Variants in GFOD1 observed in about 807,000 individuals in gnomAD.
The protein encoded by GFOD1 is Gfo/Idh/MocA-like oxidoreductase domain containing 1, also known as glucose-fructose oxidoreductase domain-containing protein 1.
GFOD1 carries 9 observed loss-of-function variants against 25.4 expected under a neutral mutation model. The observed-to-expected ratio is 0.35, with a 90% CI of 0.21 to 0.62. GFOD1 has a LOEUF of 0.62. GFOD1 is among the 20% of genes least tolerant of loss of function. The pLI is 0.72. For missense variants in GFOD1, 403 were observed against 556.9 expected, an observed-to-expected ratio of 0.72 and a Z score of 2.78; for synonymous variants, 253 against 245.6, an observed-to-expected ratio of 1.03 and a Z score of -0.28.
At chr6:13,421,231 T>C (rs1786251893) in intron 1 of GFOD1, among the ~76,000 whole-genome samples, 1 of 152,230 alleles carries the variant, frequency 6.6e-6, no homozygotes, top group Non-Finnish European at 1.5e-5. Flanking sequence ...CTCATGCTTG[T>C]AATCCCAGCA....
intron 1 of GFOD1, among the ~76,000 whole-genome samples, chr6:13,426,300 C>T (rs957942176): frequency 3.3e-5 from 5 of 152,204 alleles, no homozygotes. Context: ...TCCTATAATA[C>T]AGAAGATATG....
rs146451161 is a variant in GFOD1, at chr6:13,422,307, T to G, written c.254-56645A>C. ...CTAAAACACATGCTGTCCGAACGGA[T>G]TCTCAGGAGAGAAAATCTGACTCTG... On this transcript the variant is annotated intron_variant, in intron 1 of 1. Transcript: ENST00000379287. 1.6e-3 allele frequency among the ~76,000 whole-genome samples: 240 copies of G among 152,262 alleles called. 1 individual carries two copies. Among genetic ancestry groups the G allele is most frequent in the African/African-American group, 5.5e-3 (230 of 41,560 alleles).
chr6:13,393,778 TTC>T (rs1428038793), intron 1 of GFOD1, among the ~76,000 whole-genome samples: 3 of 106,866 alleles, frequency 2.8e-5, no homozygotes, highest in Non-Finnish European at 6.2e-5. Flanking sequence ...CTTTTTTCTT[TTC>T]TTTTTTTTTT....
chr6:13,465,146 A>C (rs534702825), intron 1 of GFOD1, among the ~76,000 whole-genome samples: 148 of 152,232 alleles, frequency 9.7e-4, no homozygotes, highest in African/African-American at 3.4e-3. Context: ...AGGGGTGTCC[A>C]ATCTTTTGGC....
chr6:13,373,881 C>T (rs933987373), intron 1 of GFOD1, among the ~76,000 whole-genome samples: 5 of 151,646 alleles, frequency 3.3e-5, no homozygotes, highest in Non-Finnish European at 5.9e-5. Flanking sequence ...CCTCCATATA[C>T]ATTAAAAGAG....
chr6:13,361,071 A>G lies in GFOD1; in HGVS notation c.*3672T>C. 1 of 354,312 alleles carries G rather than the reference A, an allele frequency of 2.8e-6. No homozygotes were observed. Among genetic ancestry groups the G allele is most frequent in the East Asian group, 7.4e-5 (1 of 13,432 alleles). 21.9% of individuals were successfully genotyped at this position (354,312 alleles called of 1,614,324 possible). ...TTGTATGAGATAACATACTTAAAAT[A>G]CTCTGCACACAGTGGACAAGTCTTG... On this transcript the variant is annotated 3_prime_UTR_variant, in exon 2 of 2. Transcript: ENST00000379287.
At chr6:13,387,968 C>T (rs1785510022) in intron 1 of GFOD1, among the ~76,000 whole-genome samples, 1 of 152,150 alleles carries the variant, frequency 6.6e-6, no homozygotes, top group African/African-American at 2.4e-5. Flanking sequence ...TCCTATACAA[C>T]AATAACAGAC....
chr6:13,390,298 T>C (rs1374352194), intron 1 of GFOD1, among the ~76,000 whole-genome samples: 1 of 152,088 alleles, frequency 6.6e-6, no homozygotes, highest in Non-Finnish European at 1.5e-5. Context: ...TTGTTGTTTA[T>C]ATAAAACAGG....
chr6:13,480,724 C>T (rs1401625493), intron 1 of GFOD1, among the ~76,000 whole-genome samples: 1 of 152,110 alleles, frequency 6.6e-6, no homozygotes, highest in Non-Finnish European at 1.5e-5. Context: ...TGGGCTCAAG[C>T]AATCCTCCTG....
chr6:13,395,134 G>C (rs1785702621), intron 1 of GFOD1, among the ~76,000 whole-genome samples: 1 of 152,080 alleles, frequency 6.6e-6, no homozygotes, highest in African/African-American at 2.4e-5. Context: ...TGTTGCCCAG[G>C]CTTCTTTTAA....
At chr6:13,418,084 T>C (rs1314536445) in intron 1 of GFOD1, among the ~76,000 whole-genome samples, 1 of 152,238 alleles carries the variant, frequency 6.6e-6, no homozygotes, top group Non-Finnish European at 1.5e-5. Flanking sequence ...TGTGTTAACT[T>C]GCAGGTAAGA....
chr6:13,486,551 G>T, intron 1 of GFOD1, 87 bp downstream of exon 1: 2 of 1,111,488 alleles, frequency 1.8e-6, no homozygotes, highest in Non-Finnish European at 2.6e-6. Flanking sequence ...CTTCTGGGAT[G>T]CGGAGAGGGA....
intron 1 of GFOD1, among the ~76,000 whole-genome samples, chr6:13,468,811 C>T (rs1384973612): frequency 6.6e-6 from 1 of 151,984 alleles, no homozygotes; most frequent in African/African-American, 2.4e-5. Context: ...CTGACCAATC[C>T]CCCTTCCAGT....
chr6:13,475,112 CA>C (rs1758588155), intron 1 of GFOD1, among the ~76,000 whole-genome samples: 1 of 152,102 alleles, frequency 6.6e-6, no homozygotes, highest in African/African-American at 2.4e-5. Flanking sequence ...ACAAACAACC[CA>C]ATTTAAAAAT....
At chr6:13,405,747 G>C (rs1249401339) in intron 1 of GFOD1, among the ~76,000 whole-genome samples, 1 of 152,202 alleles carries the variant, frequency 6.6e-6, no homozygotes, top group Non-Finnish European at 1.5e-5. Context: ...AGGAGGAGGG[G>C]AGGACATTCA....
intron 1 of GFOD1, among the ~76,000 whole-genome samples, chr6:13,409,175 G>A (rs56259131): frequency 0.18 from 5,833 of 33,328 alleles, 1,269 homozygotes; most frequent in African/African-American, 0.22. Context: ...AGGAAAGAGA[G>A]AGAGAGAGAG....
Position 13,360,172 on chromosome 6 carries a change from T to C in GFOD1, c.*4571A>G, listed in dbSNP as rs558743194. The C allele has an allele frequency of 1.3e-4, 21 of 155,950 alleles. No individual in the cohort carries two copies. The highest frequency in any genetic ancestry group is 5.1e-4 in the African/African-American group (21 of 41,568). The allele number at this position is 155,950 out of a possible 1,614,324, so 9.7% of individuals were successfully genotyped here. The stretch of plus-strand genomic sequence containing the variant: ...TTTGTCCTGGCTCTACCACTAAAGA[T>C]GTGGGTGGCCTTGACCATCACTCTC... On this transcript the variant is annotated 3_prime_UTR_variant, in exon 2 of 2. Transcript: ENST00000379287.
At chr6:13,463,783 A>G (rs911429731) in intron 1 of GFOD1, among the ~76,000 whole-genome samples, 4 of 152,236 alleles carry the variant, frequency 2.6e-5, no homozygotes, top group African/African-American at 9.7e-5. Flanking sequence ...ACACTGATAC[A>G]GTATATATAT....
At chr6:13,451,002 G>A (rs1758087842) in intron 1 of GFOD1, among the ~76,000 whole-genome samples, 1 of 152,172 alleles carries the variant, frequency 6.6e-6, no homozygotes, top group African/African-American at 2.4e-5. Flanking sequence ...CCTTGTTAAG[G>A]TTTCCTACCA....
Sources: gnomAD v4.1 joint callset for allele counts (sites outside exome capture counted in the v4.1 genomes callset) on GRCh38, gnomAD v4.1.1 for gene constraint, MANE v1.5 for transcripts, NCBI Gene and HGNC (gene_info 2026-07-23, HGNC 2026-07-21) for gene names.